Variants in NIPAL3 observed in about 807,000 individuals in gnomAD.
The protein encoded by NIPAL3 is NIPA-like protein 3.
Under a neutral mutation model 47.2 loss-of-function variants are expected in NIPAL3, and 41 were observed. The ratio of observed to expected loss-of-function variants is 0.87; its 90% CI spans 0.68 to 1.13. NIPAL3 has a LOEUF of 1.13. Ranked by LOEUF, NIPAL3 falls within the 50% of genes most tolerant of loss-of-function variation. The probability of loss-of-function intolerance (pLI) is 0.00; values close to 1 mark genes in which losing one functional copy is unlikely to be tolerated. For synonymous variants in NIPAL3, 194 were observed against 209.6 expected (o/e 0.93, Z 0.64); for missense variants, 449 against 530.1 (o/e 0.85, Z 1.50).
chr1:24,449,745 C>A lies in NIPAL3; in HGVS notation c.540+119C>A. On this transcript the variant is annotated intron_variant, in intron 6 of 11. Coordinates refer to ENST00000374399, the MANE Select transcript of NIPAL3 (RefSeq NM_020448.5). The surrounding 1 kb of genome is among the most constrained non-coding windows in gnomAD (Gnocchi z 4.5). ...CGTGAGTTGCGGCACATTTTACCAGCATGAAAGACCGTGCTTCTGGAGAGT... is the reference window on the plus strand; with the variant it reads ...CGTGAGTTGCGGCACATTTTACCAGAATGAAAGACCGTGCTTCTGGAGAGT... 2 of 1,095,306 alleles carry A rather than the reference C, an allele frequency of 1.8e-6. No individual in the cohort carries two copies. The highest frequency in any genetic ancestry group is 2.6e-6 in the Non-Finnish European group (2 of 777,440). 67.8% of individuals were successfully genotyped at this position (1,095,306 alleles called of 1,614,324 possible).
intron 2 of NIPAL3, among the ~76,000 whole-genome samples, chr1:24,427,176 C>T (rs1485352991): frequency 1.3e-5 from 2 of 152,162 alleles, no homozygotes; most frequent in African/African-American, 4.8e-5. Context: ...GAACTGGGCA[C>T]CCGCATTTAT....
intron 4 of NIPAL3, among the ~76,000 whole-genome samples, 174 bp from the exon 5 acceptor site, chr1:24,445,011 G>C (rs1557513507): frequency 6.6e-6 from 1 of 152,140 alleles, no homozygotes; most frequent in Non-Finnish European, 1.5e-5. Context: ...GCTCCTCTCT[G>C]AGCCTCCCTT....
intron 8 of NIPAL3, among the ~76,000 whole-genome samples, chr1:24,456,620 G>A (rs1439377755): frequency 2.6e-5 from 4 of 152,148 alleles, no homozygotes; most frequent in Non-Finnish European, 1.5e-5. Flanking sequence ...AAAATTAGCT[G>A]GGCATGGTGG....
Position 24,437,361 on chromosome 1 carries a change from A to G in NIPAL3, c.94-2811A>G, listed in dbSNP as rs181477675. 6.3e-3 allele frequency among the ~76,000 whole-genome samples: 961 copies of G among 152,340 alleles called. 6 individuals are homozygous for G. Among genetic ancestry groups the G allele is most frequent in the Middle Eastern group, 0.014 (4 of 294 alleles). On this transcript the variant is annotated intron_variant, in intron 2 of 11. Transcript: ENST00000374399. ...TTTCAAAAAACTAAATTTGAATAAC[A>G]TATTTCTTTTTACAAAATAAAAGCA...
At chr1:24,457,295 A>G (rs758308484) in intron 8 of NIPAL3, among the ~76,000 whole-genome samples, 1 of 152,242 alleles carries the variant, frequency 6.6e-6, no homozygotes, top group East Asian at 1.9e-4. Context: ...AAAAGGCAGC[A>G]GCCTGAGGGC....
At chr1:24,428,978 A>C (rs1280263308) in intron 2 of NIPAL3, among the ~76,000 whole-genome samples, 1 of 152,218 alleles carries the variant, frequency 6.6e-6, no homozygotes, top group Non-Finnish European at 1.5e-5. Context: ...TAGTCTGTGA[A>C]GACAGACTAA....
chr1:24,431,253 T>G (rs1644863970), intron 2 of NIPAL3, among the ~76,000 whole-genome samples: 1 of 152,210 alleles, frequency 6.6e-6, no homozygotes, highest in African/African-American at 2.4e-5. Context: ...CCCCTTGATT[T>G]CCTGGTGGTT....
At chr1:24,466,155 C>G in intron 11 of NIPAL3, 1 of 1,497,428 alleles carries the variant, frequency 6.7e-7, no homozygotes, top group South Asian at 1.2e-5. Flanking sequence ...CCTCCAGGAA[C>G]TAGCCTGGCA....
intron 6 of NIPAL3, among the ~76,000 whole-genome samples, chr1:24,452,230 C>T (rs1328137814): frequency 1.3e-5 from 2 of 152,172 alleles, no homozygotes; most frequent in East Asian, 3.9e-4. Context: ...GTTGTTGATG[C>T]AAGGAGGGGG....
At chr1:24,463,407 G>C (rs920818693) in intron 10 of NIPAL3, among the ~76,000 whole-genome samples, 10 of 152,154 alleles carry the variant, frequency 6.6e-5, no homozygotes, top group African/African-American at 2.2e-4. Flanking sequence ...GAGGGGGATG[G>C]ACGTATTTTC....
At chr1:24,428,465 A>G (rs1220069268) in intron 2 of NIPAL3, among the ~76,000 whole-genome samples, 1 of 152,152 alleles carries the variant, frequency 6.6e-6, no homozygotes, top group African/African-American at 2.4e-5. Flanking sequence ...TCATGTAAGG[A>G]AGGAATGCTG....
At chr1:24,418,290 G>A (rs1352856294) in intron 1 of NIPAL3, among the ~76,000 whole-genome samples, 1 of 152,188 alleles carries the variant, frequency 6.6e-6, no homozygotes, top group East Asian at 1.9e-4. Context: ...TTTAAGCAGG[G>A]TTTTGGCCAT....
intron 4 of NIPAL3, among the ~76,000 whole-genome samples, chr1:24,443,651 GTT>G (rs140704738): frequency 1.2e-3 from 183 of 152,284 alleles, no homozygotes; most frequent in African/African-American, 4.2e-3. Context: ...ATAAGTCCCG[GTT>G]TTTCCTAACC....
upstream of NIPAL3, chr1:24,414,555 T>TTTC (rs386366514): frequency 7.3e-6 from 1 of 137,680 alleles, no homozygotes; most frequent in African/African-American, 3.0e-5. Context: ...TTTTTTTTTT[T>TTTC]GACAGGGTCT....
At chr1:24,418,920 G>GTTTTTTTTT (rs57731517) in intron 1 of NIPAL3, among the ~76,000 whole-genome samples, 1 of 133,900 alleles carries the variant, frequency 7.5e-6, no homozygotes. Context: ...TAGTGGAATT[G>GTTTTTTTTT]TTTTTTTTTT....
chr1:24,414,531 C>CTTTTTTTTTTTT (rs57135976), upstream of NIPAL3: 3 of 83,168 alleles, frequency 3.6e-5, no homozygotes, highest in Non-Finnish European at 6.7e-5. Flanking sequence ...GAAATCCAAG[C>CTTTTTTTTTTTT]TTTTTTTTTT....
intron 3 of NIPAL3, among the ~76,000 whole-genome samples, chr1:24,440,907 C>T (rs951693876): frequency 6.6e-6 from 1 of 152,154 alleles, no homozygotes; most frequent in Non-Finnish European, 1.5e-5. Context: ...TTCAGAGGGT[C>T]CCCTGTGGGA....
chr1:24,466,958 C>T (rs1334889754), intron 11 of NIPAL3, among the ~76,000 whole-genome samples: 5 of 152,196 alleles, frequency 3.3e-5, no homozygotes, highest in African/African-American at 1.2e-4. Context: ...AGGCCATTTG[C>T]AGAGTGGGTA....
chr1:24,450,446 C>A (rs1248888195), intron 6 of NIPAL3, among the ~76,000 whole-genome samples: 1 of 152,150 alleles, frequency 6.6e-6, no homozygotes, highest in Non-Finnish European at 1.5e-5. Context: ...TGTCTCCTAA[C>A]CCCTCCGCCA....
Sources: allele counts gnomAD v4.1 joint callset (sites outside exome capture counted in the v4.1 genomes callset), GRCh38; gene constraint gnomAD v4.1.1; non-coding constraint Gnocchi (gnomAD v3.1); transcripts MANE v1.5; gene names NCBI Gene and HGNC (gene_info 2026-07-23, HGNC 2026-07-21).